Variants in CLASP1 observed in about 807,000 individuals in gnomAD.
The protein encoded by CLASP1 is cytoplasmic linker associated protein 1.
CLASP1 carries 38 observed loss-of-function variants against 192.3 expected under a neutral mutation model. The ratio of observed to expected loss-of-function variants is 0.20; its 90% confidence interval spans 0.15 to 0.26. The LOEUF is 0.26. Among genes scored for constraint, CLASP1 ranks in the 10% least tolerant of loss-of-function variants. CLASP1 has a pLI of 1.00. For synonymous variants in CLASP1, 691 were observed against 712.8 expected (o/e 0.97, Z 0.49); for missense variants, 1,433 against 1,932.5 (o/e 0.74, Z 4.85).
At chr2:121,508,158 A>G (rs1035927664) in intron 7 of CLASP1, among the ~76,000 whole-genome samples, 2 of 152,196 alleles carry the variant, frequency 1.3e-5, no homozygotes, top group African/African-American at 4.8e-5. Context: ...AAGAAACTGC[A>G]TAAAGCAATA....
intron 2 of CLASP1, among the ~76,000 whole-genome samples, chr2:121,562,672 C>T (rs569593124): frequency 5.9e-5 from 9 of 152,354 alleles, no homozygotes; most frequent in African/African-American, 1.9e-4. Flanking sequence ...GGAGATCAAA[C>T]ATAAGCACAG....
intron 8 of CLASP1, among the ~76,000 whole-genome samples, chr2:121,479,178 T>C (rs1350377264): frequency 2.0e-5 from 3 of 150,596 alleles, no homozygotes; most frequent in African/African-American, 4.9e-5. Context: ...GTAGACGTGC[T>C]AGCCAGGGAA....
rs60827939 is a variant in CLASP1, at chr2:121,630,381, AACACACACACACAC to A, written c.-286+18977_-286+18990del. Among the ~76,000 whole-genome samples, 291 of 139,066 alleles carry A rather than the reference AACACACACACACAC, an allele frequency of 2.1e-3. 3 individuals carry two copies. The highest frequency in any genetic ancestry group is 3.6e-3 in the Middle Eastern group (1 of 276). 91.2% of individuals were successfully genotyped at this position (139,066 alleles called of 152,430 possible). On this transcript the variant is annotated intron_variant, in intron 1 of 39. Transcript: ENST00000263710. The stretch of plus-strand genomic sequence containing the variant: ...TTGGTAGATCACCATATTGGAAAGA[AACACACACACACAC>A]ACACACACACACACACACACACACA...
chr2:121,418,699 A>G lies in CLASP1; in HGVS notation c.2243T>C (p.Met748Thr), dbSNP rs186502681. 5,518 of 1,613,776 alleles carry G rather than the reference A, an allele frequency of 3.4e-3. 8 individuals carry two copies. Among genetic ancestry groups the G allele is most frequent in the Non-Finnish European group, 4.2e-3 (4,963 of 1,179,786 alleles). ...GGTATCGCGGCTGCACCCCTGACTCATGCTGGGTCGAGGGATACGGCTGCT... is the reference window on the plus strand; with the variant it reads ...GGTATCGCGGCTGCACCCCTGACTCGTGCTGGGTCGAGGGATACGGCTGCT... Residue 748 changes from methionine to threonine, a missense_variant, in exon 23 of 40, where the codon ATG becomes ACG. Physicochemically the swap from Met to Thr is moderately conservative, Grantham distance 81 (BLOSUM62 -1). Transcript: ENST00000263710.
intron 19 of CLASP1, among the ~76,000 whole-genome samples, chr2:121,433,075 A>G (rs1317587160): frequency 6.6e-6 from 1 of 152,148 alleles, no homozygotes; most frequent in Admixed American, 6.5e-5. Context: ...TAATCCCAGC[A>G]CTTTAGGAGG....
chr2:121,620,220 CA>C (rs201371353), intron 1 of CLASP1, among the ~76,000 whole-genome samples: 301 of 109,278 alleles, frequency 2.8e-3, no homozygotes, highest in Non-Finnish European at 2.4e-3. Context: ...GATTCTGTCT[CA>C]AAAAAAAAAA....
chr2:121,625,427 A>ATTTTTTTTTTTTTTTT (rs397868546), intron 1 of CLASP1, among the ~76,000 whole-genome samples: 13 of 95,752 alleles, frequency 1.4e-4, no homozygotes, highest in East Asian at 6.6e-4. Flanking sequence ...TCTTTCTTTC[A>ATTTTTTTTTTTTTTTT]TTTTTTTTTT....
rs140752254 is a variant in CLASP1 at position 121,559,071 on chromosome 2, T to C, written c.196-28746A>G. Among the ~76,000 whole-genome samples the C allele has an allele frequency of 3.8e-3, 583 of 152,326 alleles. 1 individual carries two copies. Among genetic ancestry groups the C allele is most frequent in the Non-Finnish European group, 6.5e-3 (440 of 68,020 alleles). ...CAGAAAACTTTTAGAGCCACGGCAC[T>C]GTGATGGAGGGAAAGAAGGTGTGGA... On this transcript the variant is annotated intron_variant, in intron 2 of 39. Coordinates refer to ENST00000263710, the Ensembl canonical transcript of CLASP1.
intron 2 of CLASP1, chr2:121,532,841 A>T (rs2094931569): frequency 6.6e-6 from 1 of 152,244 alleles, no homozygotes; most frequent in Admixed American, 6.5e-5. Context: ...AATGTTAGAT[A>T]TAATAATGAG....
chr2:121,537,417 G>A (rs1048349852), intron 2 of CLASP1, among the ~76,000 whole-genome samples: 1 of 151,750 alleles, frequency 6.6e-6, no homozygotes. Flanking sequence ...GAGAGAGAGA[G>A]AGAGAGAAGC....
intron 9 of CLASP1, 124 bp downstream of exon 9, chr2:121,469,684 G>T: frequency 1.1e-6 from 1 of 875,182 alleles, no homozygotes; most frequent in Non-Finnish European, 1.7e-6. Flanking sequence ...AGAATAGCAG[G>T]CAGAAACCTG....
At chr2:121,423,606 C>G (rs984864589) in intron 22 of CLASP1, among the ~76,000 whole-genome samples, 2 of 152,142 alleles carry the variant, frequency 1.3e-5, no homozygotes, top group Admixed American at 6.5e-5. Context: ...ACAGCTAAAA[C>G]ATAACACCTA....
chr2:121,410,947 T>C (rs369858931), exon 24 of CLASP1: 17 of 1,609,964 alleles, frequency 1.1e-5, no homozygotes, highest in South Asian at 3.3e-5. Context: ...GTATTCTTCC[T>C]GGCTGGCCAA....
At chr2:121,404,008 C>A (rs2076535357) in intron 26 of CLASP1, among the ~76,000 whole-genome samples, 1 of 152,142 alleles carries the variant, frequency 6.6e-6, no homozygotes, top group African/African-American at 2.4e-5. Flanking sequence ...TTATTTTCTT[C>A]ACTACTATAA....
intron 32 of CLASP1, among the ~76,000 whole-genome samples, chr2:121,383,974 G>A (rs1434618228): frequency 6.9e-6 from 1 of 145,278 alleles, no homozygotes; most frequent in Non-Finnish European, 1.5e-5. Context: ...AAAAAAAAAT[G>A]ACTTCCTCAC....
chr2:121,339,131 CCA>C (rs3839033), exon 40 of CLASP1: 12,732 of 143,130 alleles, frequency 0.089, 644 homozygotes, highest in African/African-American at 0.15. Flanking sequence ...ACACACAACA[CCA>C]CACACACACA....
At chr2:121,407,989 T>A (rs2077170562) in intron 24 of CLASP1, 5 of 531,960 alleles carry the variant, frequency 9.4e-6, no homozygotes, top group Non-Finnish European at 1.8e-5. Context: ...ATCACAACCT[T>A]GGTGCCAACA....
intron 19 of CLASP1, among the ~76,000 whole-genome samples, chr2:121,437,085 C>T (rs2082425889): frequency 6.6e-6 from 1 of 152,118 alleles, no homozygotes; most frequent in Admixed American, 6.5e-5. Context: ...GCCCCAGCCT[C>T]ACAAGTATCT....
At chr2:121,344,079 A>C (rs1186661472) in intron 39 of CLASP1, among the ~76,000 whole-genome samples, 3 of 152,078 alleles carry the variant, frequency 2.0e-5, no homozygotes, top group African/African-American at 4.8e-5. Context: ...TCAAAAAAAA[A>C]CAGTTACAAT....
Sources: allele counts gnomAD v4.1 joint callset (sites outside exome capture counted in the v4.1 genomes callset), GRCh38; gene constraint gnomAD v4.1.1; transcripts MANE v1.5; gene names NCBI Gene and HGNC (gene_info 2026-07-23, HGNC 2026-07-21).